The following WDR27 variants were observed in gnomAD, a reference collection of about 807,000 sequenced individuals.
WDR27 encodes WD repeat domain 27.
A neutral mutation model predicts 114.4 loss-of-function variants in WDR27; 100 were observed. The observed-to-expected ratio is 0.87, with a 90% CI of 0.74 to 1.03. The LOEUF (loss-of-function observed/expected upper bound fraction) is 1.03. Among genes scored for constraint, WDR27 ranks in the 50% least tolerant of loss-of-function variants. The pLI, the probability that WDR27 is intolerant of heterozygous loss-of-function variation, is 0.00. For missense variants in WDR27, 1,129 were observed against 1,092.9 expected (o/e 1.03, Z -0.47); for synonymous variants, 449 against 423.1 (o/e 1.06, Z -0.75).
At position 169,583,259 on chromosome 6, in the gene WDR27, G is replaced by C. The variant is rs145379688; in HGVS notation, c.2425-325C>G. On this transcript the variant is annotated intron_variant, in intron 23 of 25. Coordinates refer to ENST00000448612, the MANE Select transcript of WDR27 (RefSeq NM_182552.5). ...TGACTAATTTTAAGGAAGGAGTATA[G>C]ATTCTGTAATTCAACCTTACCTTGA... Among the ~76,000 whole-genome samples the C allele has an allele frequency of 2.1e-3, 280 of 136,196 alleles. 1 individual carries two copies. Among genetic ancestry groups the C allele is most frequent in the African/African-American group, 7.4e-3 (270 of 36,580 alleles). The allele number at this position is 136,196 out of a possible 152,430, so 89.3% of individuals were successfully genotyped here.
intron 23 of WDR27, among the ~76,000 whole-genome samples, chr6:169,594,652 A>T (rs78813614): frequency 6.6e-6 from 1 of 152,228 alleles, no homozygotes; most frequent in Non-Finnish European, 1.5e-5. Context: ...CTTTGGCATT[A>T]TAAGTATCTT....
intron 16 of WDR27, among the ~76,000 whole-genome samples, chr6:169,645,689 C>A (rs948493624): frequency 6.9e-6 from 1 of 144,580 alleles, no homozygotes; most frequent in African/African-American, 2.5e-5. Flanking sequence ...AATCCTAGTT[C>A]ACAGGGTCAC....
intron 21 of WDR27, among the ~76,000 whole-genome samples, chr6:169,625,192 T>A (rs562586699): frequency 6.6e-6 from 1 of 152,346 alleles, no homozygotes; most frequent in African/African-American, 2.4e-5. Flanking sequence ...CCAACGGTTG[T>A]AACTCAAACA....
chr6:169,435,474 C>G, the WDR27 span, among the ~76,000 whole-genome samples: 1 of 152,222 alleles, frequency 6.6e-6, no homozygotes, highest in Non-Finnish European at 1.5e-5. Context: ...CTGTACCCTG[C>G]AAAGCCACAG....
chr6:169,618,062 G>A (rs1400009950), intron 21 of WDR27, among the ~76,000 whole-genome samples: 1 of 152,144 alleles, frequency 6.6e-6, no homozygotes, highest in African/African-American at 2.4e-5. Flanking sequence ...TTCAGCAGTG[G>A]TTATCAGAGA....
At chr6:169,613,283 A>G (rs962453911) in intron 22 of WDR27, among the ~76,000 whole-genome samples, 9 of 152,196 alleles carry the variant, frequency 5.9e-5, no homozygotes, top group African/African-American at 2.2e-4. Context: ...ACCATAGGGT[A>G]ACTGTGGTTT....
Position 169,602,699 on chromosome 6 carries a change from G to A in WDR27, c.2322-378C>T, listed in dbSNP as rs374650775. Among the ~76,000 whole-genome samples, 33 of 152,106 alleles carry A rather than the reference G, an allele frequency of 2.2e-4. No individual in the cohort carries two copies. The East Asian group carries it at 2.7e-3, about 12-fold the overall frequency. ...CTTTTTGGAGGCAAAACATTCTATC[G>A]AGGGTGGTTAAGTTTCACAACTATT... On this transcript the variant is annotated intron_variant, in intron 22 of 25. Coordinates refer to ENST00000448612, the MANE Select transcript of WDR27 (RefSeq NM_182552.5).
chr6:169,510,696 G>A (rs1792714538), intron 25 of WDR27, among the ~76,000 whole-genome samples: 1 of 151,756 alleles, frequency 6.6e-6, no homozygotes, highest in African/African-American at 2.4e-5. Context: ...ACGAGTTAAT[G>A]GGTGCAGCAC....
chr6:169,668,564 C>A (rs557497079), intron 4 of WDR27: 1 of 185,332 alleles, frequency 5.4e-6, no homozygotes, highest in South Asian at 1.1e-4. Flanking sequence ...AAACCTCCGA[C>A]AGCCAAGACA....
At chr6:169,488,990 A>G (rs535203905) in intron 25 of WDR27, among the ~76,000 whole-genome samples, 2 of 148,784 alleles carry the variant, frequency 1.3e-5, no homozygotes, top group South Asian at 2.1e-4. Flanking sequence ...ATCCTTTGTA[A>G]ATTCCAATGT....
At chr6:169,624,682 A>C (rs939139397) in intron 21 of WDR27, among the ~76,000 whole-genome samples, 6 of 152,210 alleles carry the variant, frequency 3.9e-5, no homozygotes, top group African/African-American at 1.4e-4. Context: ...CAATTTAATT[A>C]AATAATTTTC....
chr6:169,695,253 A>G (rs1785582829), intron 1 of WDR27, among the ~76,000 whole-genome samples: 1 of 152,340 alleles, frequency 6.6e-6, no homozygotes, highest in South Asian at 2.1e-4. Context: ...GACCGATGGA[A>G]GCCAGTACGG....
intron 21 of WDR27, among the ~76,000 whole-genome samples, 165 bp downstream of exon 21, chr6:169,632,782 C>A (rs1488513881): frequency 6.6e-6 from 1 of 152,176 alleles, no homozygotes; most frequent in East Asian, 1.9e-4. Context: ...ATTAAAATAT[C>A]TCCTAGGGTC....
intron 24 of WDR27, among the ~76,000 whole-genome samples, chr6:169,582,369 T>C (rs9478062): frequency 0.46 from 69,341 of 152,126 alleles, 19,747 homozygotes; most frequent in Non-Finnish European, 0.64. Flanking sequence ...GCAACGGTTA[T>C]TTTCATGTTT....
intron 25 of WDR27, among the ~76,000 whole-genome samples, chr6:169,512,968 T>C (rs1374297957): frequency 6.6e-6 from 1 of 152,180 alleles, no homozygotes; most frequent in Non-Finnish European, 1.5e-5. Context: ...CTTAAGAAAA[T>C]ATACTTTCAC....
rs772398953 is a variant in WDR27, at chr6:169,634,532, G to A, written c.2004-7C>T. ...CTTGCTCTTCTGTTTATATCTGGAA[G>A]AGAAAATCAAGATGATCAATATTTT... On this transcript the variant is annotated splice_region_variant and splice_polypyrimidine_tract_variant and intron_variant, in intron 19 of 25. Coordinates refer to ENST00000448612, the MANE Select transcript of WDR27 (RefSeq NM_182552.5). The A allele has an allele frequency of 6.3e-7, 1 of 1,597,968 alleles. No homozygotes were observed. The highest frequency in any genetic ancestry group is 8.5e-7 in the Non-Finnish European group (1 of 1,170,270).
intron 19 of WDR27, among the ~76,000 whole-genome samples, chr6:169,635,309 C>T (rs1327852418): frequency 2.6e-5 from 4 of 152,148 alleles, no homozygotes; most frequent in Non-Finnish European, 4.4e-5. Flanking sequence ...CCCATGAACT[C>T]GGGAGGCGGA....
chr6:169,578,614 A>G (rs1802853142), intron 24 of WDR27, among the ~76,000 whole-genome samples: 1 of 152,172 alleles, frequency 6.6e-6, no homozygotes, highest in Non-Finnish European at 1.5e-5. Context: ...GCAAACTCTG[A>G]ACTGCATATA....
intron 21 of WDR27, among the ~76,000 whole-genome samples, chr6:169,624,076 T>G (rs570304273): frequency 2.0e-5 from 3 of 151,554 alleles, no homozygotes; most frequent in Admixed American, 6.6e-5. Context: ...TGGGGTCAGG[T>G]GTGCCGTGTG....
Sources: allele counts gnomAD v4.1 joint callset (sites outside exome capture counted in the v4.1 genomes callset), GRCh38; gene constraint gnomAD v4.1.1; transcripts MANE v1.5; gene names NCBI Gene and HGNC (gene_info 2026-07-23, HGNC 2026-07-21).